The following ENTREP2 variants were observed in gnomAD, a reference collection of about 807,000 sequenced individuals.
ENTREP2 encodes endosomal transmembrane epsin interactor 2, also known as protein ENTREP2.
the ENTREP2 span, among the ~76,000 whole-genome samples, chr15:29,489,486 C>T: frequency 1.7e-5 from 2 of 119,992 alleles, no homozygotes; most frequent in African/African-American, 7.8e-5. Flanking sequence ...GTAAAGGCCA[C>T]CTGAACTTTG....
At chr15:29,505,323 C>A in the ENTREP2 span, among the ~76,000 whole-genome samples, 1 of 152,298 alleles carries the variant, frequency 6.6e-6, no homozygotes, top group Admixed American at 6.5e-5. The surrounding 1 kb of genome is among the most constrained non-coding windows in gnomAD (Gnocchi z 4.3). Context: ...CAGCTATGGG[C>A]GCAGCTTCAG....
the ENTREP2 span, among the ~76,000 whole-genome samples, chr15:29,409,683 G>C: frequency 1.3e-5 from 2 of 151,086 alleles, no homozygotes; most frequent in Middle Eastern, 3.4e-3. Flanking sequence ...GGCTGGTCTT[G>C]AACACCCTGG....
At chr15:29,510,124 T>C in the ENTREP2 span, among the ~76,000 whole-genome samples, 2 of 152,226 alleles carry the variant, frequency 1.3e-5, no homozygotes, top group African/African-American at 4.8e-5. Context: ...AAGACATTTA[T>C]GTAGCCAGCA....
chr15:29,411,151 T>G, the ENTREP2 span, among the ~76,000 whole-genome samples: 1 of 152,246 alleles, frequency 6.6e-6, no homozygotes, highest in Admixed American at 6.5e-5. Flanking sequence ...TTTGCTATCA[T>G]GTACTATTCG....
At chr15:29,448,641 G>A in the ENTREP2 span, among the ~76,000 whole-genome samples, 7 of 152,122 alleles carry the variant, frequency 4.6e-5, no homozygotes, top group African/African-American at 1.2e-4. Flanking sequence ...AAATCGAGAC[G>A]AACCAATAAT....
chr15:29,508,129 G>A, the ENTREP2 span, among the ~76,000 whole-genome samples: 67,252 of 151,644 alleles, frequency 0.44, 15,262 homozygotes, highest in African/African-American at 0.54. Flanking sequence ...ACCTCTATGC[G>A]AATAAGCTAG....
chr15:29,488,414 TATGAA>T, the ENTREP2 span, among the ~76,000 whole-genome samples: 1 of 151,964 alleles, frequency 6.6e-6, no homozygotes, highest in Non-Finnish European at 1.5e-5. Context: ...GATTAACAGG[TATGAA>T]ATGCCATCAA....
At chr15:29,287,892 G>A in the ENTREP2 span, among the ~76,000 whole-genome samples, 1 of 152,184 alleles carries the variant, frequency 6.6e-6, no homozygotes, top group African/African-American at 2.4e-5. Context: ...ATTAATGCAA[G>A]TATAGACAAA....
At chr15:29,255,022 G>T in the ENTREP2 span, among the ~76,000 whole-genome samples, 1 of 152,204 alleles carries the variant, frequency 6.6e-6, no homozygotes, top group African/African-American at 2.4e-5. Context: ...ATTAGACAGA[G>T]TCCACTCAAG....
At chr15:29,397,757 T>G in the ENTREP2 span, among the ~76,000 whole-genome samples, 1 of 152,176 alleles carries the variant, frequency 6.6e-6, no homozygotes, top group African/African-American at 2.4e-5. Context: ...CAAAAACTTC[T>G]ACGTATGAAG....
At chr15:29,123,697 A>G in the ENTREP2 span, 2 of 1,509,492 alleles carry the variant, frequency 1.3e-6, no homozygotes, top group African/African-American at 1.4e-5. Flanking sequence ...ACTCACTGAA[A>G]TAAGAAGTTA....
At chr15:29,221,783 C>T in the ENTREP2 span, among the ~76,000 whole-genome samples, 5 of 152,114 alleles carry the variant, frequency 3.3e-5, no homozygotes, top group Admixed American at 2.0e-4. Context: ...TAAAGAGAAT[C>T]GTGCTGGGTA....
At chr15:29,318,812 T>G in the ENTREP2 span, among the ~76,000 whole-genome samples, 1 of 152,158 alleles carries the variant, frequency 6.6e-6, no homozygotes, top group Non-Finnish European at 1.5e-5. Context: ...CTTATACATT[T>G]TCCTATTGGT....
the ENTREP2 span, among the ~76,000 whole-genome samples, chr15:29,663,285 C>T: frequency 6.6e-6 from 1 of 151,850 alleles, no homozygotes; most frequent in Non-Finnish European, 1.5e-5. Flanking sequence ...TTTGGGAGGC[C>T]AAGGCGGGCG....
the ENTREP2 span, among the ~76,000 whole-genome samples, chr15:29,670,621 G>A: frequency 6.6e-6 from 1 of 152,152 alleles, no homozygotes; most frequent in African/African-American, 2.4e-5. Flanking sequence ...GGGGCCCGAG[G>A]TTTATGCCAC....
chr15:29,273,688 C>A, the ENTREP2 span, among the ~76,000 whole-genome samples: 3 of 152,128 alleles, frequency 2.0e-5, no homozygotes, highest in Non-Finnish European at 4.4e-5. Context: ...GCTGCCAGTG[C>A]GGCTAGAATA....
At chr15:29,619,728 G>A in the ENTREP2 span, among the ~76,000 whole-genome samples, 78 of 152,230 alleles carry the variant, frequency 5.1e-4, 1 homozygote, top group South Asian at 0.016. Flanking sequence ...TGCAGGTGCA[G>A]GGTAGAGGCT....
chr15:29,500,393 G>T, the ENTREP2 span, among the ~76,000 whole-genome samples: 1 of 152,012 alleles, frequency 6.6e-6, no homozygotes, highest in African/African-American at 2.4e-5. Context: ...TGCAAAACAT[G>T]TTCTCTGATC....
At chr15:29,558,933 G>T in the ENTREP2 span, among the ~76,000 whole-genome samples, 1 of 151,748 alleles carries the variant, frequency 6.6e-6, no homozygotes, top group Non-Finnish European at 1.5e-5. Flanking sequence ...ATATACAAAA[G>T]ATGTATTAAT....
Sources: gnomAD v4.1 joint callset for allele counts (sites outside exome capture counted in the v4.1 genomes callset) on GRCh38, gnomAD v4.1.1 for gene constraint, Gnocchi (gnomAD v3.1) non-coding constraint, MANE v1.5 for transcripts, NCBI Gene and HGNC (gene_info 2026-07-23, HGNC 2026-07-21) for gene names.